Variants in GRID1 observed in about 807,000 individuals in gnomAD.
The protein encoded by GRID1 is glutamate receptor ionotropic, delta-1.
A neutral mutation model predicts 98.0 loss-of-function variants in GRID1; 28 were observed. The ratio of observed to expected loss-of-function variants is 0.29; its 90% CI spans 0.21 to 0.39. The LOEUF (loss-of-function observed/expected upper bound fraction) is 0.39. Ranked by LOEUF, GRID1 falls within the 10% of genes least tolerant of loss-of-function variation. The pLI, the probability that GRID1 is intolerant of heterozygous loss-of-function variation, is 1.00. For synonymous variants in GRID1, 553 were observed against 538.5 expected (o/e 1.03, Z -0.37); for missense variants, 1,111 against 1,340.5 (o/e 0.83, Z 2.67).
chr10:85,687,266 AT>A (rs1841280078), intron 12 of GRID1, among the ~76,000 whole-genome samples: 1 of 152,150 alleles, frequency 6.6e-6, no homozygotes, highest in African/African-American at 2.4e-5. Flanking sequence ...TAATGATTTT[AT>A]TAAGAACAGG....
At chr10:86,003,435 C>T (rs1450213855) in intron 4 of GRID1, among the ~76,000 whole-genome samples, 1 of 152,256 alleles carries the variant, frequency 6.6e-6, no homozygotes, top group Non-Finnish European at 1.5e-5. Flanking sequence ...AATTCCCTGG[C>T]ACTTGTGCCC....
Position 85,613,580 on chromosome 10 carries a change from G to A in GRID1, c.2428C>T (p.Arg810Cys), listed in dbSNP as rs1842757731. ...LKQKWWPHMG[R>C]CDLTSHASAQ... ...CTGGCATGGCTGGTGAGGTCACAGC[G>A]GCCCATGTGCGGCCACCACTTCTGC... Residue 810 changes from arginine to cysteine, a missense_variant, in exon 15 of 16, where the codon CGC (arginine) becomes TGC (cysteine). Physicochemically the swap from Arg to Cys is radical, Grantham distance 180. Coordinates refer to ENST00000327946, the MANE Select transcript of GRID1 (RefSeq NM_017551.3). 1.1e-5 allele frequency: 18 copies of A among 1,614,022 alleles called. No homozygotes were observed. Among genetic ancestry groups the A allele is most frequent in the East Asian group, 4.5e-5 (2 of 44,890 alleles).
At chr10:86,237,759 A>C (rs1203720066) in intron 2 of GRID1, among the ~76,000 whole-genome samples, 3 of 150,944 alleles carry the variant, frequency 2.0e-5, no homozygotes, top group Admixed American at 2.0e-4. Flanking sequence ...CTCTCCTGCC[A>C]TGTAAGACAT....
intron 2 of GRID1, among the ~76,000 whole-genome samples, chr10:86,253,391 T>C (rs1185812081): frequency 6.6e-6 from 1 of 152,250 alleles, no homozygotes; most frequent in Non-Finnish European, 1.5e-5. Flanking sequence ...GCTCTTCCTG[T>C]GGCTTCTGCA....
chr10:86,044,831 A>T (rs1415045995), intron 4 of GRID1, among the ~76,000 whole-genome samples: 1 of 152,212 alleles, frequency 6.6e-6, no homozygotes, highest in Non-Finnish European at 1.5e-5. Context: ...TATCTCATAC[A>T]GGCCAAAAGT....
intron 5 of GRID1, among the ~76,000 whole-genome samples, chr10:85,911,246 G>C (rs1180113905): frequency 6.6e-6 from 1 of 152,186 alleles, no homozygotes; most frequent in Non-Finnish European, 1.5e-5. Flanking sequence ...AGTGGTCTCT[G>C]AGATCAGGAG....
At chr10:85,852,967 T>C (rs1843074330) in intron 8 of GRID1, among the ~76,000 whole-genome samples, 1 of 152,222 alleles carries the variant, frequency 6.6e-6, no homozygotes, top group South Asian at 2.1e-4. Context: ...TCAGATATTG[T>C]GTCACAACAA....
At chr10:85,907,883 A>G (rs1387349183) in intron 5 of GRID1, among the ~76,000 whole-genome samples, 1 of 152,216 alleles carries the variant, frequency 6.6e-6, no homozygotes, top group African/African-American at 2.4e-5. Flanking sequence ...ATGTTAGAAA[A>G]TCAGTCAATG....
In GRID1 at chr10:86,285,151, T is replaced by C. The variant is rs138643813; in HGVS notation, c.236-78503A>G. 2.9e-4 allele frequency among the ~76,000 whole-genome samples: 39 copies of C among 135,134 alleles called. No individual in the cohort carries two copies. In the South Asian group the frequency reaches 6.2e-3, roughly 22 times the overall value. 88.7% of individuals were successfully genotyped at this position (135,134 alleles called of 152,430 possible). A position where few individuals can be genotyped will look rare whatever the true frequency, so the allele number is the denominator to read the frequency against. On this transcript the variant is annotated intron_variant, in intron 2 of 15. Transcript: ENST00000327946. ...CTCAGCCCAGGGAAAGCATCCAGAG[T>C]GTCCCTGCAAACACCACACCAGCAC...
intron 4 of GRID1, among the ~76,000 whole-genome samples, chr10:85,953,344 A>C (rs1039325497): frequency 6.6e-6 from 1 of 152,162 alleles, no homozygotes; most frequent in Non-Finnish European, 1.5e-5. Flanking sequence ...GAAGGGAACA[A>C]CACACACTGG....
intron 4 of GRID1, among the ~76,000 whole-genome samples, chr10:86,037,847 C>T (rs1843289381): frequency 6.6e-6 from 1 of 152,086 alleles, no homozygotes; most frequent in Admixed American, 6.6e-5. Flanking sequence ...GCTATAAATA[C>T]TGCCATTGTA....
intron 4 of GRID1, among the ~76,000 whole-genome samples, chr10:86,104,351 C>T (rs2131947093): frequency 6.6e-6 from 1 of 152,322 alleles, no homozygotes; most frequent in Admixed American, 6.5e-5. Flanking sequence ...TGGCCAGACA[C>T]CCACGAGAAG....
intron 4 of GRID1, among the ~76,000 whole-genome samples, chr10:85,955,853 A>G (rs1297462623): frequency 6.6e-6 from 1 of 151,834 alleles, no homozygotes; most frequent in Non-Finnish European, 1.5e-5. Flanking sequence ...TCCCCTTCTG[A>G]CCCCTGAGGC....
chr10:85,636,552 G>T (rs76276253), intron 13 of GRID1, among the ~76,000 whole-genome samples: 9,864 of 152,210 alleles, frequency 0.065, 679 homozygotes, highest in African/African-American at 0.17. Flanking sequence ...AAAAGAAAAT[G>T]ATTGCTGTTC....
At chr10:86,228,178 T>A (rs921557588) in intron 2 of GRID1, among the ~76,000 whole-genome samples, 1 of 146,626 alleles carries the variant, frequency 6.8e-6, no homozygotes, top group Admixed American at 6.8e-5. Flanking sequence ...GTTGGTTGAG[T>A]AGGTGGGTGG....
chr10:86,237,022 T>C (rs189582377), intron 2 of GRID1, among the ~76,000 whole-genome samples: 2 of 152,264 alleles, frequency 1.3e-5, no homozygotes, highest in East Asian at 3.9e-4. Context: ...CACAGTCCTC[T>C]GCTTCTGCTT....
intron 4 of GRID1, among the ~76,000 whole-genome samples, chr10:86,075,694 A>G (rs1350584749): frequency 6.6e-6 from 1 of 152,192 alleles, no homozygotes; most frequent in Admixed American, 6.5e-5. Context: ...GAGGGCTTGT[A>G]TTGGAAGAGA....
chr10:86,336,599 C>T (rs911908427), intron 2 of GRID1, among the ~76,000 whole-genome samples: 3 of 152,224 alleles, frequency 2.0e-5, no homozygotes, highest in African/African-American at 7.2e-5. Flanking sequence ...CTCTGGGTGC[C>T]TGGAACCCCG....
At chr10:85,772,608 C>A (rs1258987973) in intron 8 of GRID1, among the ~76,000 whole-genome samples, 2 of 152,088 alleles carry the variant, frequency 1.3e-5, no homozygotes, top group South Asian at 2.1e-4. Context: ...AGAGAAGAAG[C>A]AAATAGACGC....
Sources: allele counts gnomAD v4.1 joint callset (sites outside exome capture counted in the v4.1 genomes callset), GRCh38; gene constraint gnomAD v4.1.1; transcripts MANE v1.5; gene names NCBI Gene and HGNC (gene_info 2026-07-23, HGNC 2026-07-21).